The following ZFTRAF1 variants were observed in gnomAD, a reference collection of about 807,000 sequenced individuals.
ZFTRAF1 encodes the protein zinc finger TRAF-type and ring finger containing 1.
At chr8:144,452,633 C>T in the ZFTRAF1 span, 2 of 1,460,342 alleles carry the variant, frequency 1.4e-6, no homozygotes, top group African/African-American at 1.4e-5. Context: ...AACAAGCTGT[C>T]CTCCCATATG....
At chr8:144,450,741 C>A in the ZFTRAF1 span, 1 of 709,144 alleles carries the variant, frequency 1.4e-6, no homozygotes, top group South Asian at 1.5e-5. Context: ...GTGATGAAGT[C>A]GTCTGTGCGG....
At chr8:144,461,720 G>A in the ZFTRAF1 span, among the ~76,000 whole-genome samples, 2 of 152,174 alleles carry the variant, frequency 1.3e-5, no homozygotes, top group African/African-American at 4.8e-5. Context: ...TCTCCTTACT[G>A]TTCTTCAGGA....
At chr8:144,452,459 C>G in the ZFTRAF1 span, 7 of 1,549,450 alleles carry the variant, frequency 4.5e-6, no homozygotes, top group Non-Finnish European at 6.1e-6. Context: ...GGATCTCCAT[C>G]AGCTCACTGC....
chr8:144,462,135 G>C, the ZFTRAF1 span: 16 of 356,182 alleles, frequency 4.5e-5, no homozygotes, highest in South Asian at 1.5e-3. Context: ...GAGCCCCGCT[G>C]GGCGAGGAAG....
the ZFTRAF1 span, among the ~76,000 whole-genome samples, chr8:144,460,610 C>A: frequency 1.3e-5 from 2 of 152,254 alleles, no homozygotes; most frequent in African/African-American, 4.8e-5. Context: ...TGGCCAAGCG[C>A]AGTGGCTCAT....
the ZFTRAF1 span, chr8:144,456,858 G>A: frequency 6.7e-6 from 1 of 149,858 alleles, no homozygotes; most frequent in Admixed American, 6.6e-5. Flanking sequence ...CATTGCAGGG[G>A]AATTGCATCA....
chr8:144,452,283 G>A, the ZFTRAF1 span: 5 of 1,485,518 alleles, frequency 3.4e-6, no homozygotes, highest in Non-Finnish European at 4.5e-6. Flanking sequence ...CCCAGAGCCT[G>A]CTGCCCCCAG....
At chr8:144,450,612 G>A in the ZFTRAF1 span, 1 of 718,150 alleles carries the variant, frequency 1.4e-6, no homozygotes, top group Non-Finnish European at 2.6e-6. Flanking sequence ...AGGAGGAGCT[G>A]GAAGGAGAGC....
chr8:144,450,746 G>A, the ZFTRAF1 span: 1 of 705,820 alleles, frequency 1.4e-6, no homozygotes, highest in Non-Finnish European at 2.7e-6. Context: ...GAAGTCGTCT[G>A]TGCGGTACGG....
the ZFTRAF1 span, chr8:144,450,619 G>A: frequency 1.4e-6 from 1 of 718,114 alleles, no homozygotes; most frequent in Non-Finnish European, 2.6e-6. Context: ...GCTGGAAGGA[G>A]AGCGTACGCT....
At chr8:144,451,266 G>C in the ZFTRAF1 span, 1 of 162,470 alleles carries the variant, frequency 6.2e-6, no homozygotes, top group East Asian at 1.7e-4. Context: ...CCAATCAGCA[G>C]GCAGCCCTGC....
chr8:144,457,309 G>C, the ZFTRAF1 span: 1 of 152,206 alleles, frequency 6.6e-6, no homozygotes, highest in Non-Finnish European at 1.5e-5. Context: ...ATATGACCTT[G>C]GGCTCCCCTC....
chr8:144,450,003 GC>G, the ZFTRAF1 span: 1 of 250,370 alleles, frequency 4.0e-6, no homozygotes, highest in South Asian at 7.3e-5. Context: ...AGGCCCCCGC[GC>G]CCCGCCGGAA....
At chr8:144,452,099 G>A in the ZFTRAF1 span, 3 of 530,504 alleles carry the variant, frequency 5.7e-6, no homozygotes, top group East Asian at 3.4e-5. Flanking sequence ...GTGAAGCCAG[G>A]GTGGCGAGGA....
the ZFTRAF1 span, chr8:144,462,362 C>A: frequency 2.1e-6 from 1 of 486,636 alleles, no homozygotes; most frequent in South Asian, 3.1e-5. Context: ...CAGTTTCCCG[C>A]TGCCGGCCGC....
chr8:144,459,969 T>C, the ZFTRAF1 span, among the ~76,000 whole-genome samples: 477 of 152,152 alleles, frequency 3.1e-3, 1 homozygote, highest in African/African-American at 9.6e-3. Flanking sequence ...CAAGCTGGGG[T>C]GATGGCCAGC....
the ZFTRAF1 span, chr8:144,456,770 T>C: frequency 1.4e-5 from 2 of 145,116 alleles, no homozygotes; most frequent in Non-Finnish European, 1.5e-5. Context: ...ATGAATGACA[T>C]CACAGGGGGG....
At chr8:144,460,862 T>TG in the ZFTRAF1 span, among the ~76,000 whole-genome samples, 876 of 152,258 alleles carry the variant, frequency 5.8e-3, 7 homozygotes, top group African/African-American at 0.02. Context: ...CCAGCCTGGG[T>TG]GACAGAGTGA....
chr8:144,460,879 G>A, the ZFTRAF1 span, among the ~76,000 whole-genome samples: 1 of 152,198 alleles, frequency 6.6e-6, no homozygotes, highest in South Asian at 2.1e-4. Flanking sequence ...GTGAGACTCC[G>A]TCTCAAAAAA....
Sources: gnomAD v4.1 joint callset for allele counts (sites outside exome capture counted in the v4.1 genomes callset) on GRCh38, gnomAD v4.1.1 for gene constraint, MANE v1.5 for transcripts, NCBI Gene and HGNC (gene_info 2026-07-23, HGNC 2026-07-21) for gene names.